Variants in TRPC3 observed in about 807,000 individuals in gnomAD.
TRPC3 encodes the protein short transient receptor potential channel 3.
In TRPC3, 54 loss-of-function variants were observed where a neutral mutation model predicts 90.9. That is an observed-to-expected ratio of 0.59 (90% CI 0.48 to 0.75). The LOEUF is 0.75. TRPC3 is among the 30% of genes least tolerant of loss of function. TRPC3 has a pLI of 0.00. For missense variants in TRPC3, 918 were observed against 1,194.5 expected (o/e 0.77, Z 3.41); for synonymous variants, 424 against 450.9 (o/e 0.94, Z 0.75).
chr4:121,932,366 C>G lies in TRPC3; in HGVS notation c.892G>C (p.Ala298Pro), dbSNP rs1729966844. 1.2e-6 allele frequency: 2 copies of G among 1,614,026 alleles called. No individual in the cohort carries two copies. Among genetic ancestry groups the G allele is most frequent in the Admixed American group, 3.3e-5 (2 of 60,002 alleles). Residue 298 changes from alanine to proline, a missense_variant, in exon 2 of 12, where the codon GCT (alanine) becomes CCT (proline). Physicochemically the swap from Ala to Pro is conservative, Grantham distance 27. This residue lies in a region of TRPC3 where 609 missense variants were observed against 725.9 expected (regional missense o/e 0.84). Coordinates refer to ENST00000379645, the MANE Select transcript of TRPC3 (RefSeq NM_001130698.2). This position sits in a 1 kb window ranked among gnomAD's most constrained non-coding sequence, Gnocchi z 7.7. ...TCCTCGCTGGACAATGAGAGGTAAG[C>G]CGGGCTGGCCAGCCCCTTGTAGGCA... ...INAYKGLASP[A>P]YLSLSSEDPV...
Position 121,875,332 on chromosome 4 carries a change from C to A in TRPC3, c.*4404G>T, listed in dbSNP as rs1216573202. Among the ~76,000 whole-genome samples, 2 of 152,116 alleles carry A rather than the reference C, an allele frequency of 1.3e-5. No individual in the cohort carries two copies. Among genetic ancestry groups the A allele is most frequent in the Non-Finnish European group, 2.9e-5 (2 of 68,012 alleles). On this transcript the variant is annotated 3_prime_UTR_variant, in exon 12 of 12. Coordinates refer to ENST00000379645, the MANE Select transcript of TRPC3 (RefSeq NM_001130698.2). ...TTTGCATAATATGATATTTGGAATT[C>A]TTTGATTTTGCATCTAAAAATGCAA...
At chr4:121,897,698 T>C (rs111503702) in intron 10 of TRPC3, among the ~76,000 whole-genome samples, 142 of 151,974 alleles carry the variant, frequency 9.3e-4, no homozygotes, top group African/African-American at 3.3e-3. Flanking sequence ...TAATATGTTG[T>C]TGATGGGAAT....
intron 2 of TRPC3, among the ~76,000 whole-genome samples, chr4:121,929,121 C>T (rs1180571221): frequency 2.0e-5 from 3 of 152,154 alleles, no homozygotes; most frequent in African/African-American, 7.2e-5. Flanking sequence ...TTACCAGGTA[C>T]ATTATATTAG....
rs191423325 is a variant in TRPC3 at position 121,945,412 on chromosome 4, G to A, written c.215+6054C>T. ...AATTTCATCTTCCATGAAACCAAGA[G>A]ACATTTGTAACTCCAAGCTACAATA... is the stretch of plus-strand genomic sequence containing the variant. On this transcript the variant is annotated intron_variant, in intron 1 of 11. Transcript: ENST00000379645. 3.3e-5 allele frequency among the ~76,000 whole-genome samples: 5 copies of A among 152,278 alleles called. No homozygotes were observed. In the East Asian group the frequency reaches 9.7e-4, roughly 29 times the overall value.
At chr4:121,899,211 GA>G (rs1437525386) in intron 10 of TRPC3, among the ~76,000 whole-genome samples, 4 of 152,182 alleles carry the variant, frequency 2.6e-5, no homozygotes, top group East Asian at 1.9e-4. Flanking sequence ...TCACCTGAAA[GA>G]AAAACCTAGA....
At chr4:121,902,262 C>T (rs1728730718) in intron 9 of TRPC3, among the ~76,000 whole-genome samples, 1 of 152,098 alleles carries the variant, frequency 6.6e-6, no homozygotes, top group Admixed American at 6.5e-5. Context: ...AAAGTTAGTT[C>T]ATGATAACAA....
intron 3 of TRPC3, among the ~76,000 whole-genome samples, chr4:121,921,597 G>T (rs1363534206): frequency 6.6e-6 from 1 of 151,218 alleles, no homozygotes; most frequent in Non-Finnish European, 1.5e-5. Flanking sequence ...AGATAAGAAT[G>T]GTTTCCTTGG....
chr4:121,921,700 A>G (rs181903769), intron 3 of TRPC3, among the ~76,000 whole-genome samples: 17 of 152,146 alleles, frequency 1.1e-4, no homozygotes, highest in South Asian at 4.2e-4. Context: ...TGAAATCCCA[A>G]TGGCTTGCAT....
chr4:121,904,230 G>T, intron 8 of TRPC3, 92 bp downstream of exon 8: 1 of 1,155,642 alleles, frequency 8.7e-7, no homozygotes, highest in South Asian at 1.6e-5. Context: ...TTTGTTACAT[G>T]AGCTGGAGCT....
chr4:121,922,712 A>G (rs1344614237), intron 3 of TRPC3, among the ~76,000 whole-genome samples: 1 of 152,200 alleles, frequency 6.6e-6, no homozygotes, highest in African/African-American at 2.4e-5. Flanking sequence ...GGTGCCAAAG[A>G]AAAGAGATAC....
At chr4:121,919,782 G>T (rs527802661) in intron 3 of TRPC3, among the ~76,000 whole-genome samples, 13 of 152,282 alleles carry the variant, frequency 8.5e-5, no homozygotes, top group African/African-American at 3.1e-4. Flanking sequence ...ATATTAATAG[G>T]AGAGCAGAAA....
At chr4:121,946,902 G>C (rs184413376) in intron 1 of TRPC3, among the ~76,000 whole-genome samples, 36 of 152,260 alleles carry the variant, frequency 2.4e-4, no homozygotes. Flanking sequence ...CCTCAAGGCT[G>C]GGTGGTGCAG....
rs1361596804 is a variant in TRPC3 at position 121,875,527 on chromosome 4, A to T, written c.*4209T>A. Among the ~76,000 whole-genome samples the T allele has an allele frequency of 6.6e-6, 1 of 152,168 alleles. No individual in the cohort carries two copies. The highest frequency in any genetic ancestry group is 1.5e-5 in the Non-Finnish European group (1 of 68,022). On this transcript the variant is annotated 3_prime_UTR_variant, in exon 12 of 12. Coordinates refer to ENST00000379645, the MANE Select transcript of TRPC3 (RefSeq NM_001130698.2). ...ACCACTGTGTGTCCTCTTTTTAAAG[A>T]TGTTTTAGGGTATCAGAGACATCTT...
chr4:121,892,229 A>G (rs1487794094), intron 10 of TRPC3, among the ~76,000 whole-genome samples: 4 of 152,212 alleles, frequency 2.6e-5, no homozygotes, highest in Non-Finnish European at 5.9e-5. Flanking sequence ...ATTAAGATAA[A>G]CACCAAGACA....
At position 121,879,487 on chromosome 4, in the gene TRPC3, A is replaced by C; in HGVS notation, c.*249T>G. On this transcript the variant is annotated 3_prime_UTR_variant, in exon 12 of 12. Transcript: ENST00000379645. ...GTGGAGTTTACTCTAAAATGAATAA[A>C]AGTTTCAATAATATAGTAATATTGG... 2.5e-6 allele frequency: 1 copy of C among 401,478 alleles called. No homozygotes were observed. Among genetic ancestry groups the C allele is most frequent in the Non-Finnish European group, 4.4e-6 (1 of 228,332 alleles). The allele number at this position is 401,478 out of a possible 1,614,324, so 24.9% of individuals were successfully genotyped here.
intron 1 of TRPC3, among the ~76,000 whole-genome samples, chr4:121,949,717 C>T (rs1474307645): frequency 6.6e-6 from 1 of 152,150 alleles, no homozygotes; most frequent in Non-Finnish European, 1.5e-5. Context: ...GTCTTCTTCT[C>T]GACCTCTACA....
At chr4:121,899,056 TCAA>T (rs1398735432) in intron 10 of TRPC3, among the ~76,000 whole-genome samples, 1 of 152,130 alleles carries the variant, frequency 6.6e-6, no homozygotes, top group Non-Finnish European at 1.5e-5. Flanking sequence ...ATCGAAATGA[TCAA>T]CGAGATGAAA....
intron 5 of TRPC3, 73 bp downstream of exon 5, chr4:121,911,804 T>C: frequency 7.1e-7 from 1 of 1,408,602 alleles, no homozygotes; most frequent in Non-Finnish European, 9.7e-7. Flanking sequence ...ACATTTTTTT[T>C]CAATAGAAAA....
chr4:121,887,883 G>C (rs17694439), intron 10 of TRPC3, among the ~76,000 whole-genome samples: 2,036 of 151,668 alleles, frequency 0.013, 90 homozygotes, highest in Admixed American at 0.089. Context: ...ATGTTCTTGA[G>C]AAAAAAATCA....
Sources: gnomAD v4.1 joint callset for allele counts (sites outside exome capture counted in the v4.1 genomes callset) on GRCh38, gnomAD v4.1.1 for gene constraint, gnomAD v4.1.1 regional missense constraint, Gnocchi (gnomAD v3.1) non-coding constraint, MANE v1.5 for transcripts, NCBI Gene and HGNC (gene_info 2026-07-23, HGNC 2026-07-21) for gene names.